The following PCDHGB5 variants were observed in gnomAD, a reference collection of about 807,000 sequenced individuals.
PCDHGB5 encodes protocadherin gamma-B5.
In PCDHGB5, 48 loss-of-function variants were observed where a neutral mutation model predicts 62.9. The observed-to-expected ratio is 0.76, with a 90% CI of 0.61 to 0.97. The LOEUF (loss-of-function observed/expected upper bound fraction) is 0.97. PCDHGB5 is among the 50% of genes least tolerant of loss of function. PCDHGB5 has a pLI of 0.00. For synonymous variants in PCDHGB5, 474 were observed against 511.2 expected (o/e 0.93, Z 0.98); for missense variants, 1,118 against 1,198.6 (o/e 0.93, Z 0.99).
At chr5:141,409,745 T>G (rs968473065) in intron 1 of PCDHGB5, 9 of 1,613,074 alleles carry the variant, frequency 5.6e-6, no homozygotes, top group Non-Finnish European at 7.6e-6. Flanking sequence ...CGGGGTGGTG[T>G]TCGCGCAGCG....
rs147057088 is a variant in PCDHGB5 at position 141,432,065 on chromosome 5, A to C, written c.2397+31541A>C. 6.2e-7 allele frequency: 1 copy of C among 1,613,930 alleles called. No individual in the cohort carries two copies. Among genetic ancestry groups the C allele is most frequent in the Non-Finnish European group, 8.5e-7 (1 of 1,180,014 alleles). On this transcript the variant is annotated intron_variant, in intron 1 of 3. Coordinates refer to ENST00000617380, the MANE Select transcript of PCDHGB5 (RefSeq NM_018925.3). This position sits in a 1 kb window ranked among gnomAD's most constrained non-coding sequence, Gnocchi z 6.0. ...GGGAACCCCGCCCCTATCCACGGAA[A>C]CTCATATCTCGCTGAACGTGGCAGA...
intron 1 of PCDHGB5, among the ~76,000 whole-genome samples, chr5:141,461,782 TAG>T (rs2099022757): frequency 6.6e-6 from 1 of 152,086 alleles, no homozygotes; most frequent in South Asian, 2.1e-4. Context: ...GCCTCCCAAG[TAG>T]CTGGGATTAC....
chr5:141,488,885 T>C (rs1401230063), intron 1 of PCDHGB5, among the ~76,000 whole-genome samples: 1 of 152,194 alleles, frequency 6.6e-6, no homozygotes, highest in Admixed American at 6.5e-5. Flanking sequence ...GAAGCTTCTG[T>C]GACACAGATT....
Position 141,433,020 on chromosome 5 carries a change from C to T in PCDHGB5, c.2397+32496C>T, listed in dbSNP as rs761127608. 1.1e-5 allele frequency: 17 copies of T among 1,614,152 alleles called. No individual in the cohort carries two copies. The South Asian group carries it at 1.9e-4, about 18-fold the overall frequency. On this transcript the variant is annotated intron_variant, in intron 1 of 3. Coordinates refer to ENST00000617380, the MANE Select transcript of PCDHGB5 (RefSeq NM_018925.3). ...GTGCAGGCTTTCCTGCAGACCTATTCCCACGAGGTTTCCCTCACCACGGAC... is the reference window on the plus strand; with the variant it reads ...GTGCAGGCTTTCCTGCAGACCTATTTCCACGAGGTTTCCCTCACCACGGAC...
intron 1 of PCDHGB5, chr5:141,409,633 TG>T: frequency 6.2e-7 from 1 of 1,613,852 alleles, no homozygotes; most frequent in Non-Finnish European, 8.5e-7. Context: ...TGAGCGCCTC[TG>T]ACCCGGATTT....
At chr5:141,415,738 AGGTTTT>A in intron 1 of PCDHGB5, 1 of 538,082 alleles carries the variant, frequency 1.9e-6, no homozygotes, top group South Asian at 3.9e-5. Flanking sequence ...ATGTTTATTA[AGGTTTT>A]TTTTTTTTTT....
In PCDHGB5 at chr5:141,476,258, G is replaced by A. The variant is rs1247889010; in HGVS notation, c.2398-18549G>A. 1 of 1,614,018 alleles carries A rather than the reference G, an allele frequency of 6.2e-7. No individual in the cohort carries two copies. Among genetic ancestry groups the A allele is most frequent in the South Asian group, 1.1e-5 (1 of 91,066 alleles). Reference sequence around the variant, plus strand: ...GGAAAGAGAGAAGGGTTTCGCTGTGGGCAACGTGGTCGCGAACCTTGGTTT... The same window carrying A: ...GGAAAGAGAGAAGGGTTTCGCTGTGAGCAACGTGGTCGCGAACCTTGGTTT... On this transcript the variant is annotated intron_variant, in intron 1 of 3. Coordinates refer to ENST00000617380, the MANE Select transcript of PCDHGB5 (RefSeq NM_018925.3). This position sits in a 1 kb window ranked among gnomAD's most constrained non-coding sequence, Gnocchi z 7.6.
intron 1 of PCDHGB5, among the ~76,000 whole-genome samples, chr5:141,455,783 T>G (rs1475277198): frequency 1.3e-5 from 2 of 152,066 alleles, no homozygotes; most frequent in Non-Finnish European, 2.9e-5. Context: ...AAAAGAAACT[T>G]TTCCGGAGAT....
chr5:141,454,894 G>A (rs1371368633), intron 1 of PCDHGB5, among the ~76,000 whole-genome samples: 2 of 126,736 alleles, frequency 1.6e-5, no homozygotes, highest in Non-Finnish European at 3.1e-5. Context: ...TGCTAGCACC[G>A]CCTCCCGGGT....
In PCDHGB5 at chr5:141,398,425, C is replaced by G. The variant is rs2093656331; in HGVS notation, c.298C>G (p.Pro100Ala). ...CAGGGAGGAGATATGCGGGAAGAAG[C>G]CAGCTTGTGCTCTGGAATTTGAGGC... is the stretch of plus-strand genomic sequence containing the variant. ...LDREEICGKK[P>A]ACALEFEAVA... Residue 100 changes from proline to alanine, a missense_variant, in exon 1 of 4, where the codon CCA becomes GCA. Transcript: ENST00000617380. 2 of 1,519,432 alleles carry G rather than the reference C, an allele frequency of 1.3e-6. No individual in the cohort carries two copies. The highest frequency in any genetic ancestry group is 2.3e-5 in the East Asian group (1 of 44,202). The allele number at this position is 1,519,432 out of a possible 1,614,324, so 94.1% of individuals were successfully genotyped here.
intron 1 of PCDHGB5, among the ~76,000 whole-genome samples, chr5:141,433,847 A>C (rs979302028): frequency 6.6e-6 from 1 of 151,976 alleles, no homozygotes; most frequent in South Asian, 2.1e-4. Context: ...CAAAAAAAAA[A>C]AAAAAAAACT....
At chr5:141,409,870 T>C in intron 1 of PCDHGB5, 1 of 1,612,788 alleles carries the variant, frequency 6.2e-7, no homozygotes, top group Non-Finnish European at 8.5e-7. Flanking sequence ...GAGACCGCAA[T>C]GACAACGCAC....
chr5:141,427,775 G>A (rs768191014), intron 1 of PCDHGB5: 35 of 1,424,948 alleles, frequency 2.5e-5, no homozygotes, highest in Non-Finnish European at 2.9e-5. Context: ...TGGAGCTGCG[G>A]GCACTGTCGT....
rs911461762 is a variant in PCDHGB5 at position 141,512,938 on chromosome 5, T to C, written c.*1765T>C. The stretch of plus-strand genomic sequence containing the variant: ...ACTCTAATATTTATATGGCTTTTTT[T>C]CTTCGACAAAAAAATAATAAAACGT... On this transcript the variant is annotated 3_prime_UTR_variant, in exon 4 of 4. Coordinates refer to ENST00000617380, the MANE Select transcript of PCDHGB5 (RefSeq NM_018925.3). 6.6e-6 allele frequency: 1 copy of C among 151,928 alleles called. No homozygotes were observed. Among genetic ancestry groups the C allele is most frequent in the Non-Finnish European group, 1.5e-5 (1 of 67,934 alleles). The allele number at this position is 151,928 out of a possible 1,614,324, so 9.4% of individuals were successfully genotyped here.
intron 1 of PCDHGB5, chr5:141,478,773 T>C (rs975950601): frequency 1.3e-6 from 2 of 1,496,766 alleles, no homozygotes; most frequent in African/African-American, 2.8e-5. Context: ...GACTCATCTG[T>C]GGACCTAATT....
In PCDHGB5 at chr5:141,407,971, G is replaced by C. The variant is rs1399304138; in HGVS notation, c.2397+7447G>C. The C allele has an allele frequency of 7.0e-5, 50 of 717,762 alleles. No homozygotes were observed. In the South Asian group the frequency reaches 1.2e-3, roughly 17 times the overall value. 44.5% of individuals were successfully genotyped at this position (717,762 alleles called of 1,614,324 possible). On this transcript the variant is annotated intron_variant, in intron 1 of 3. Coordinates refer to ENST00000617380, the MANE Select transcript of PCDHGB5 (RefSeq NM_018925.3). The stretch of plus-strand genomic sequence containing the variant: ...CGGCCAGTGCAGAGCAAGCGCTGAC[G>C]CCGGGGATCCGTCAGCCTCTGGCCT...
chr5:141,444,237 T>G (rs1315900009), intron 1 of PCDHGB5, among the ~76,000 whole-genome samples: 1 of 137,132 alleles, frequency 7.3e-6, no homozygotes, highest in Admixed American at 8.0e-5. Flanking sequence ...AATGGCATGC[T>G]CTCGGCTCAC....
intron 1 of PCDHGB5, chr5:141,415,489 C>G: frequency 6.2e-7 from 1 of 1,614,220 alleles, no homozygotes; most frequent in Non-Finnish European, 8.5e-7. Flanking sequence ...AAAGAGTCAC[C>G]TGATCTTCCC....
At chr5:141,453,351 C>T (rs1210851703) in intron 1 of PCDHGB5, among the ~76,000 whole-genome samples, 3 of 151,738 alleles carry the variant, frequency 2.0e-5, no homozygotes, top group African/African-American at 7.3e-5. Context: ...CCAGGCTGAC[C>T]CTGAACTCCT....
Sources: allele counts gnomAD v4.1 joint callset (sites outside exome capture counted in the v4.1 genomes callset), GRCh38; gene constraint gnomAD v4.1.1; non-coding constraint Gnocchi (gnomAD v3.1); transcripts MANE v1.5; gene names NCBI Gene and HGNC (gene_info 2026-07-23, HGNC 2026-07-21).